NEURL1B: variants seen among roughly 807,000 people sequenced by gnomAD.
NEURL1B encodes E3 ubiquitin-protein ligase NEURL1B.
A neutral mutation model predicts 37.4 loss-of-function variants in NEURL1B; 13 were observed. The ratio of observed to expected loss-of-function variants is 0.35; its 90% CI spans 0.23 to 0.55. The LOEUF is 0.55. Among genes scored for constraint, NEURL1B ranks in the 20% least tolerant of loss-of-function variants. The pLI is 0.89. For missense variants in NEURL1B, 790 were observed against 879.2 expected (o/e 0.90, Z 1.28); for synonymous variants, 432 against 426.6 (o/e 1.01, Z -0.16).
At chr5:172,673,355 G>A (rs1357836423) in intron 2 of NEURL1B, among the ~76,000 whole-genome samples, 1 of 152,116 alleles carries the variant, frequency 6.6e-6, no homozygotes, top group East Asian at 1.9e-4. Context: ...GTGCTATCCT[G>A]AGCACTCTGA....
intron 1 of NEURL1B, among the ~76,000 whole-genome samples, chr5:172,650,430 G>A (rs1581420143): frequency 6.6e-6 from 1 of 152,128 alleles, no homozygotes; most frequent in Non-Finnish European, 1.5e-5. Flanking sequence ...TGGCAGATGG[G>A]GATACTGAGG....
intron 1 of NEURL1B, among the ~76,000 whole-genome samples, 157 bp from the exon 2 acceptor site, chr5:172,669,628 G>A (rs184028826): frequency 2.0e-5 from 3 of 152,274 alleles, no homozygotes; most frequent in Admixed American, 1.3e-4. Flanking sequence ...AGTTAGGGTC[G>A]GTCTCCCTTT....
intron 2 of NEURL1B, among the ~76,000 whole-genome samples, chr5:172,672,316 C>T (rs1301879006): frequency 6.6e-6 from 1 of 152,110 alleles, no homozygotes. Flanking sequence ...TTTCTGAAAC[C>T]TCCTAGATTT....
At position 172,690,541 on chromosome 5, in the gene NEURL1B, G is replaced by C. The variant is rs1400300444; in HGVS notation, c.*3616G>C. 6.6e-6 allele frequency: 1 copy of C among 152,284 alleles called. No individual in the cohort carries two copies. Among genetic ancestry groups the C allele is most frequent in the Non-Finnish European group, 1.5e-5 (1 of 68,072 alleles). 9.4% of individuals were successfully genotyped at this position (152,284 alleles called of 1,614,324 possible). A position where few individuals can be genotyped will look rare whatever the true frequency, so the allele number is the denominator to read the frequency against. On this transcript the variant is annotated 3_prime_UTR_variant, in exon 5 of 5. Coordinates refer to ENST00000369800, the MANE Select transcript of NEURL1B (RefSeq NM_001142651.3). ...GCTGAGTACCTAGTACGTGTGAGGT[G>C]CTGTGAGGATAGAGCAGAGAGGACT...
intron 1 of NEURL1B, among the ~76,000 whole-genome samples, chr5:172,649,212 G>A (rs1210988078): frequency 6.6e-6 from 1 of 152,128 alleles, no homozygotes; most frequent in African/African-American, 2.4e-5. Context: ...GACTTGACAT[G>A]GTTCTTGCAG....
At chr5:172,677,687 G>A (rs1008518639) in intron 2 of NEURL1B, among the ~76,000 whole-genome samples, 2 of 152,034 alleles carry the variant, frequency 1.3e-5, no homozygotes, top group Admixed American at 6.5e-5. Flanking sequence ...CCCCGTGGCC[G>A]TGGATAAGGA....
At chr5:172,642,930 C>A (rs1434719038) in intron 1 of NEURL1B, among the ~76,000 whole-genome samples, 2 of 152,250 alleles carry the variant, frequency 1.3e-5, no homozygotes, top group African/African-American at 2.4e-5. Context: ...CACATAGACA[C>A]TGGGATGAGG....
rs1271134788 is a variant in NEURL1B at position 172,670,242 on chromosome 5, G to A, written c.489G>A (p.Pro163=). Residue 163 remains proline, a synonymous_variant, in exon 2 of 5, where the codon CCG becomes CCA. Transcript: ENST00000369800. ...RVFYSVNDGE[P]VLFHCGVAVG... is the part of the protein sequence containing the mutation. ...TCTACAGCGTGAACGACGGCGAGCC[G>A]GTGCTCTTCCACTGCGGCGTGGCCG... 1.4e-6 allele frequency: 2 copies of A among 1,404,436 alleles called. No individual in the cohort carries two copies. The highest frequency in any genetic ancestry group is 1.8e-6 in the Non-Finnish European group (2 of 1,083,094). 87.0% of individuals were successfully genotyped at this position (1,404,436 alleles called of 1,614,324 possible). A position where few individuals can be genotyped will look rare whatever the true frequency, so the allele number is the denominator to read the frequency against.
chr5:172,656,790 C>T (rs1479795322), intron 1 of NEURL1B: 3 of 686,620 alleles, frequency 4.4e-6, no homozygotes, highest in Admixed American at 2.4e-5. Context: ...CATATTAATT[C>T]TTTGAAAATA....
At position 172,665,519 on chromosome 5, in the gene NEURL1B, CT is replaced by C. The variant is rs1211190176; in HGVS notation, c.32-4265del. On this transcript the variant is annotated intron_variant, in intron 1 of 4. Transcript: ENST00000369800. This position sits in a 1 kb window ranked among gnomAD's most constrained non-coding sequence, Gnocchi z 4.1. Reference sequence around the variant, plus strand: ...CCGTGGCCCTGCTTTGCCAAAAGCCCTGTAGCGGCTCCCTCTTGCCCATGCA... The same window carrying C: ...CCGTGGCCCTGCTTTGCCAAAAGCCCGTAGCGGCTCCCTCTTGCCCATGCA... Among the ~76,000 whole-genome samples, 4 of 152,240 alleles carry C rather than the reference CT, an allele frequency of 2.6e-5. No homozygotes were observed. Among genetic ancestry groups the C allele is most frequent in the Non-Finnish European group, 4.4e-5 (3 of 68,026 alleles).
At chr5:172,672,256 A>T (rs1460068976) in intron 2 of NEURL1B, among the ~76,000 whole-genome samples, 1 of 152,158 alleles carries the variant, frequency 6.6e-6, no homozygotes. Flanking sequence ...ATGTCCCCTC[A>T]TGCTCTTTTC....
At position 172,683,390 on chromosome 5, in the gene NEURL1B, C is replaced by T; in HGVS notation, c.578-29C>T. On this transcript the variant is annotated intron_variant, in intron 2 of 4. Coordinates refer to ENST00000369800, the MANE Select transcript of NEURL1B (RefSeq NM_001142651.3). The surrounding 1 kb of genome is among the most constrained non-coding windows in gnomAD (Gnocchi z 5.6). ...ACCAGCCTGACGCGCGGCCTCTCCC[C>T]CTCCATGTCCCTCCCTTTGTCCGCA... 1.5e-6 allele frequency: 2 copies of T among 1,292,166 alleles called. No individual in the cohort carries two copies. Among genetic ancestry groups the T allele is most frequent in the Non-Finnish European group, 2.0e-6 (2 of 1,014,780 alleles). The allele number at this position is 1,292,166 out of a possible 1,614,324, so 80.0% of individuals were successfully genotyped here.
intron 2 of NEURL1B, among the ~76,000 whole-genome samples, chr5:172,672,630 C>A (rs6556039): frequency 6.6e-6 from 1 of 151,310 alleles, no homozygotes; most frequent in Admixed American, 6.6e-5. Flanking sequence ...TGCTGGAACA[C>A]CACTGTGACA....
intron 1 of NEURL1B, among the ~76,000 whole-genome samples, chr5:172,644,313 C>G (rs1197743844): frequency 3.9e-5 from 6 of 152,172 alleles, no homozygotes; most frequent in African/African-American, 1.4e-4. Context: ...TCCCAGCTCA[C>G]ACAGTTCACC....
intron 1 of NEURL1B, among the ~76,000 whole-genome samples, chr5:172,655,556 C>T (rs1757757435): frequency 6.6e-6 from 1 of 152,144 alleles, no homozygotes; most frequent in Non-Finnish European, 1.5e-5. Flanking sequence ...ACCATCCACA[C>T]ACAACACCAC....
intron 1 of NEURL1B, among the ~76,000 whole-genome samples, chr5:172,648,503 G>T (rs1757600696): frequency 6.6e-6 from 1 of 152,224 alleles, no homozygotes; most frequent in South Asian, 2.1e-4. Flanking sequence ...CCTATTATTA[G>T]TGCCCCAACT....
At chr5:172,663,922 C>T (rs985640483) in intron 1 of NEURL1B, among the ~76,000 whole-genome samples, 7 of 150,890 alleles carry the variant, frequency 4.6e-5, no homozygotes, top group Non-Finnish European at 4.4e-5. Flanking sequence ...TCTCTGCACC[C>T]GCAGACTTGG....
intron 1 of NEURL1B, chr5:172,656,567 C>T (rs1757782229): frequency 4.3e-6 from 7 of 1,610,970 alleles, no homozygotes; most frequent in Non-Finnish European, 5.1e-6. Flanking sequence ...AGAGCCCCTT[C>T]CCCGCGGCCT....
At chr5:172,668,972 A>G (rs914536742) in intron 1 of NEURL1B, among the ~76,000 whole-genome samples, 5 of 152,218 alleles carry the variant, frequency 3.3e-5, no homozygotes, top group African/African-American at 7.2e-5. Flanking sequence ...CGTTGCTCAT[A>G]AGCAATGCCT....
Sources: allele counts gnomAD v4.1 joint callset (sites outside exome capture counted in the v4.1 genomes callset), GRCh38; gene constraint gnomAD v4.1.1; non-coding constraint Gnocchi (gnomAD v3.1); transcripts MANE v1.5; gene names NCBI Gene and HGNC (gene_info 2026-07-23, HGNC 2026-07-21).